Variants in STK32B observed in about 807,000 individuals in gnomAD.
STK32B encodes the protein serine/threonine kinase 32B, also known as serine/threonine-protein kinase 32B.
A neutral mutation model predicts 52.6 loss-of-function variants in STK32B; 43 were observed. The observed-to-expected ratio is 0.82, with a 90% CI of 0.64 to 1.05. The LOEUF is 1.05. Ranked by LOEUF, STK32B falls within the 50% of genes least tolerant of loss-of-function variation. STK32B has a pLI of 0.00. For synonymous variants in STK32B, 238 were observed against 204.3 expected, an observed-to-expected ratio of 1.17 and a Z score of -1.41; for missense variants, 621 against 534.6, an observed-to-expected ratio of 1.16 and a Z score of -1.59.
chr4:5,031,202 C>G, the STK32B span, among the ~76,000 whole-genome samples: 1 of 152,110 alleles, frequency 6.6e-6, no homozygotes. Flanking sequence ...TTTAAATGTT[C>G]ATCTCATGTT....
intron 11 of STK32B, among the ~76,000 whole-genome samples, chr4:5,477,260 T>TA (rs1231360860): frequency 6.6e-6 from 1 of 152,162 alleles, no homozygotes; most frequent in Non-Finnish European, 1.5e-5. Context: ...TAACTTCTCT[T>TA]ATGGGTCCTT....
intron 6 of STK32B, among the ~76,000 whole-genome samples, chr4:5,440,465 A>G (rs1295148049): frequency 1.3e-5 from 2 of 152,048 alleles, no homozygotes; most frequent in Non-Finnish European, 2.9e-5. Flanking sequence ...GTATCCTGAG[A>G]CTTTGCTGAA....
chr4:5,439,299 C>G (rs1015754805), intron 6 of STK32B, among the ~76,000 whole-genome samples: 6 of 151,650 alleles, frequency 4.0e-5, no homozygotes, highest in African/African-American at 1.4e-4. Context: ...GCCATTCTAA[C>G]TGGTGTGAGA....
intron 1 of STK32B, among the ~76,000 whole-genome samples, chr4:5,078,006 G>C: frequency 6.6e-6 from 1 of 152,164 alleles, no homozygotes. Flanking sequence ...CTGCACTGTT[G>C]TCTGATTATG....
intron 6 of STK32B, among the ~76,000 whole-genome samples, chr4:5,441,597 A>C (rs1450412383): frequency 6.6e-6 from 1 of 151,174 alleles, no homozygotes; most frequent in Non-Finnish European, 1.5e-5. Context: ...TTGTGTCTCT[A>C]TTTCCTTCAG....
At chr4:5,268,429 T>C (rs1727189110) in intron 3 of STK32B, among the ~76,000 whole-genome samples, 1 of 152,154 alleles carries the variant, frequency 6.6e-6, no homozygotes, top group African/African-American at 2.4e-5. Flanking sequence ...CAAATCCTTA[T>C]TTATCAGAGA....
At position 5,473,010 on chromosome 4, in the gene STK32B, G is replaced by A. The variant is rs73068452; in HGVS notation, c.1106+4940G>A. On this transcript the variant is annotated intron_variant, in intron 11 of 11. Transcript: ENST00000282908. ...AAAATGTCTCCAGATATTGCCAAAC[G>A]TTCCCTGGCAGGCAAAATCACCCCC... Among the ~76,000 whole-genome samples, 1,264 of 151,862 alleles carry A rather than the reference G, an allele frequency of 8.3e-3. 10 individuals are homozygous for A. Among genetic ancestry groups the A allele is most frequent in the African/African-American group, 0.029 (1,184 of 41,412 alleles).
intron 2 of STK32B, among the ~76,000 whole-genome samples, chr4:5,154,709 T>G (rs1401748915): frequency 4.6e-5 from 7 of 152,186 alleles, no homozygotes. Flanking sequence ...GCTTCTGGGC[T>G]GCTGATCTGC....
chr4:5,137,006 A>C (rs1259734367), intron 1 of STK32B, among the ~76,000 whole-genome samples: 1 of 152,200 alleles, frequency 6.6e-6, no homozygotes. Context: ...GACATGGGTG[A>C]GTGGGAATAT....
intron 11 of STK32B, among the ~76,000 whole-genome samples, chr4:5,475,125 C>T (rs558140490): frequency 5.9e-5 from 9 of 152,086 alleles, no homozygotes; most frequent in Non-Finnish European, 8.8e-5. Flanking sequence ...AATTAGGGCC[C>T]GGTTTAAAAA....
chr4:5,393,476 G>T (rs1736704613), intron 4 of STK32B, among the ~76,000 whole-genome samples: 1 of 152,164 alleles, frequency 6.6e-6, no homozygotes, highest in East Asian at 1.9e-4. Flanking sequence ...TTGACTCATG[G>T]TTCTGAAGGC....
chr4:5,322,686 C>T lies in STK32B; in HGVS notation c.261-8534C>T, dbSNP rs140911539. On this transcript the variant is annotated intron_variant, in intron 3 of 11. Transcript: ENST00000282908. Reference sequence around the variant, plus strand: ...AGGGTTTCCTCCAGACTCTTCCTTTCCCTTTCCAGCCCTCCCCTACCTTTA... The same window carrying T: ...AGGGTTTCCTCCAGACTCTTCCTTTTCCTTTCCAGCCCTCCCCTACCTTTA... Among the ~76,000 whole-genome samples the T allele has an allele frequency of 9.8e-4, 150 of 152,308 alleles. 1 individual carries two copies. The highest frequency in any genetic ancestry group is 3.5e-3 in the African/African-American group (145 of 41,572).
chr4:5,240,864 A>T (rs1221592302), intron 3 of STK32B, among the ~76,000 whole-genome samples: 1 of 151,988 alleles, frequency 6.6e-6, no homozygotes, highest in Non-Finnish European at 1.5e-5. Flanking sequence ...TTATTTCCAT[A>T]TTTGTGTGTA....
At position 5,368,645 on chromosome 4, in the gene STK32B, C is replaced by CATGAG. The variant is rs1735030374; in HGVS notation, c.435-29562_435-29561insATGAG. Among the ~76,000 whole-genome samples, 3 of 152,294 alleles carry CATGAG rather than the reference C, an allele frequency of 2.0e-5. No homozygotes were observed. The South Asian group carries it at 6.2e-4, about 32-fold the overall frequency. On this transcript the variant is annotated intron_variant, in intron 4 of 11. Coordinates refer to ENST00000282908, the MANE Select transcript of STK32B (RefSeq NM_018401.3). Reference sequence around the variant, plus strand: ...GCCTTGGTGGTCGATGGCCTCATCTCTCATGAGTCATGAGTGAGTTCTTAA... The same window carrying CATGAG: ...GCCTTGGTGGTCGATGGCCTCATCTCATGAGTCATGAGTCATGAGTGAGTTCTTAA...
At chr4:5,220,735 T>C (rs1723476923) in intron 3 of STK32B, among the ~76,000 whole-genome samples, 1 of 152,138 alleles carries the variant, frequency 6.6e-6, no homozygotes, top group South Asian at 2.1e-4. Flanking sequence ...CCTTGTTAGC[T>C]AGCTCTCCAT....
chr4:5,081,417 T>C (rs1712422242), intron 1 of STK32B, among the ~76,000 whole-genome samples: 1 of 152,206 alleles, frequency 6.6e-6, no homozygotes, highest in East Asian at 1.9e-4. Context: ...TCCGCATATT[T>C]GGAGTGTTTT....
intron 3 of STK32B, among the ~76,000 whole-genome samples, chr4:5,298,522 G>T (rs10213569): frequency 6.6e-6 from 1 of 152,064 alleles, no homozygotes; most frequent in Non-Finnish European, 1.5e-5. Flanking sequence ...TGGCTGCAGC[G>T]GCTTTGCTGT....
At chr4:5,472,718 T>C (rs997538295) in intron 11 of STK32B, among the ~76,000 whole-genome samples, 1 of 152,226 alleles carries the variant, frequency 6.6e-6, no homozygotes, top group African/African-American at 2.4e-5. Context: ...AAGCTACCCC[T>C]GGAGTCCTTG....
intron 3 of STK32B, among the ~76,000 whole-genome samples, chr4:5,287,663 T>C (rs1035094642): frequency 2.0e-5 from 3 of 150,160 alleles, no homozygotes; most frequent in African/African-American, 7.6e-5. Context: ...ATAATACATA[T>C]GGTATTTTCC....
Sources: gnomAD v4.1 joint callset for allele counts (sites outside exome capture counted in the v4.1 genomes callset) on GRCh38, gnomAD v4.1.1 for gene constraint, MANE v1.5 for transcripts, NCBI Gene and HGNC (gene_info 2026-07-23, HGNC 2026-07-21) for gene names.